WDR25: variants seen among roughly 807,000 people sequenced by gnomAD.
WDR25 encodes the protein WD repeat domain 25.
Under a neutral mutation model 47.7 loss-of-function variants are expected in WDR25, and 35 were observed. The observed-to-expected ratio is 0.73, with a 90% confidence interval of 0.56 to 0.97. WDR25 has a LOEUF of 0.97. Ranked by LOEUF, WDR25 falls within the 50% of genes least tolerant of loss-of-function variation. WDR25 has a pLI of 0.00. For synonymous variants in WDR25, 248 were observed against 278.9 expected (o/e 0.89, Z 1.10); for missense variants, 634 against 704.7 (o/e 0.90, Z 1.14).
At chr14:100,412,258 AACTG>A (rs1281025127) in intron 2 of WDR25, among the ~76,000 whole-genome samples, 1 of 151,024 alleles carries the variant, frequency 6.6e-6, no homozygotes, top group Non-Finnish European at 1.5e-5. Flanking sequence ...GTTATTCGGG[AACTG>A]TGGTGATAGT....
intron 4 of WDR25, among the ~76,000 whole-genome samples, chr14:100,493,484 TAG>T (rs1900631678): frequency 6.6e-6 from 1 of 152,202 alleles, no homozygotes; most frequent in South Asian, 2.1e-4. Flanking sequence ...CTTTATTTTT[TAG>T]AGGAGTTTTA....
At chr14:100,459,933 TATATATACAC>T (rs1199733996) in intron 2 of WDR25, among the ~76,000 whole-genome samples, 132 of 88,236 alleles carry the variant, frequency 1.5e-3, no homozygotes, top group African/African-American at 6.0e-3. Context: ...TATATATATA[TATATATACAC>T]ATACACATAC....
intron 4 of WDR25, among the ~76,000 whole-genome samples, chr14:100,505,803 A>C (rs748970798): frequency 1.3e-5 from 2 of 151,952 alleles, no homozygotes; most frequent in Non-Finnish European, 2.9e-5. Context: ...TTTATTCCTC[A>C]GTTTCTCATG....
At position 100,411,056 on chromosome 14, in the gene WDR25, T is replaced by G. The variant is rs973794270; in HGVS notation, c.822+29310T>G. 2.6e-5 allele frequency among the ~76,000 whole-genome samples: 4 copies of G among 152,168 alleles called. No individual in the cohort carries two copies. The South Asian group carries it at 6.2e-4, about 24-fold the overall frequency. On this transcript the variant is annotated intron_variant, in intron 2 of 6. Transcript: ENST00000402312. ...CCTCAGCCTCCCAAAGTACTGGGATTATAGGTGTGAGCCACCCTGCCTGGC... is the reference window on the plus strand; with the variant it reads ...CCTCAGCCTCCCAAAGTACTGGGATGATAGGTGTGAGCCACCCTGCCTGGC...
rs1465605912 is a variant in WDR25, at chr14:100,470,760, A to G, written c.970+2592A>G. ...AATGCCTTGCCTGGTTGGTGATAGG[A>G]CTGCGTTTGGAGAACAGCTTGTCTG... is the stretch of plus-strand genomic sequence containing the variant. On this transcript the variant is annotated intron_variant, in intron 3 of 6. Transcript: ENST00000402312. Among the ~76,000 whole-genome samples the G allele has an allele frequency of 3.3e-5, 5 of 151,972 alleles. No individual in the cohort carries two copies. The East Asian group carries it at 7.7e-4, about 24-fold the overall frequency.
chr14:100,381,594 T>C lies in WDR25; in HGVS notation c.670T>C (p.Tyr224His). The C allele has an allele frequency of 6.2e-7, 1 of 1,609,276 alleles. No homozygotes were observed. The highest frequency in any genetic ancestry group is 8.5e-7 in the Non-Finnish European group (1 of 1,176,540). ...GPGVSEFIQP[Y>H]LNSHYKETTV... ...GGGAGTGTCTGAGTTTATTCAGCCA[T>C]ATTTGAATAGCCATTATAAAGAAAC... Residue 224 changes from tyrosine (Y) to histidine (H), a missense_variant, in exon 2 of 7, where the codon TAT becomes CAT. By Grantham distance (83) the Tyr-to-His change is moderately conservative. Coordinates refer to ENST00000402312, the MANE Select transcript of WDR25 (RefSeq NM_001161476.3).
Position 100,459,324 on chromosome 14 carries a change from A to G in WDR25, c.823-8697A>G, listed in dbSNP as rs181747773. 9.2e-5 allele frequency among the ~76,000 whole-genome samples: 14 copies of G among 152,334 alleles called. 1 individual carries two copies. The East Asian group carries it at 2.3e-3, about 25-fold the overall frequency. On this transcript the variant is annotated intron_variant, in intron 2 of 6. Transcript: ENST00000402312. ...GACGCAAACAATAAAAGCTCATTCA[A>G]GAAGAAATAGATAACCCCCAAAGCC...
rs1595149617 is a variant in WDR25 at position 100,498,958 on chromosome 14, G to C, written c.1101+14834G>C. 1.3e-5 allele frequency among the ~76,000 whole-genome samples: 2 copies of C among 152,162 alleles called. No homozygotes were observed. The highest frequency in any genetic ancestry group is 4.1e-4 in the South Asian group (2 of 4,822). ...TTGTCGTGGGGTCCCCCTGTGACTT[G>C]GGTGCAAGCAGGGTGTAGGGGTAGA... On this transcript the variant is annotated intron_variant, in intron 4 of 6. Coordinates refer to ENST00000402312, the MANE Select transcript of WDR25 (RefSeq NM_001161476.3). The surrounding 1 kb of genome is among the most constrained non-coding windows in gnomAD (Gnocchi z 4.2).
In WDR25 at chr14:100,474,618, A is replaced by G. The variant is rs550893875; in HGVS notation, c.970+6450A>G. The stretch of plus-strand genomic sequence containing the variant: ...CCGAGTTTCAGAAAACCAACTTACT[A>G]GTAAAGCACTGGGATACACCTTGTT... On this transcript the variant is annotated intron_variant, in intron 3 of 6. Transcript: ENST00000402312. Among the ~76,000 whole-genome samples the G allele has an allele frequency of 3.9e-5, 6 of 152,324 alleles. No individual in the cohort carries two copies. The South Asian group carries it at 8.3e-4, about 21-fold the overall frequency.
intron 2 of WDR25, among the ~76,000 whole-genome samples, chr14:100,431,084 C>T (rs1050530005): frequency 1.3e-5 from 2 of 152,196 alleles, no homozygotes; most frequent in African/African-American, 4.8e-5. Flanking sequence ...ATCTATCACT[C>T]TCTTTGGCCC....
chr14:100,459,894 G>GTATATATATATA (rs61706956), intron 2 of WDR25, among the ~76,000 whole-genome samples: 49 of 78,244 alleles, frequency 6.3e-4, no homozygotes, highest in Non-Finnish European at 9.8e-4. Flanking sequence ...GTGTGTGTGT[G>GTATATATATATA]TATATATATA....
intron 5 of WDR25, 144 bp from the exon 6 acceptor site, chr14:100,528,924 C>G: frequency 1.0e-6 from 1 of 961,056 alleles, no homozygotes; most frequent in Non-Finnish European, 1.4e-6. Context: ...CTTGAGCCAC[C>G]AAGCTTGTGG....
chr14:100,407,418 T>C lies in WDR25; in HGVS notation c.822+25672T>C, dbSNP rs567141292. On this transcript the variant is annotated intron_variant, in intron 2 of 6. Transcript: ENST00000402312. The surrounding 1 kb of genome is among the most constrained non-coding windows in gnomAD (Gnocchi z 4.1). ...CTCAGGTGAGATGGGGACTAGAAAGTCGGTCTGGCTGAAGCTAAGTGAGGC... is the reference window on the plus strand; with the variant it reads ...CTCAGGTGAGATGGGGACTAGAAAGCCGGTCTGGCTGAAGCTAAGTGAGGC... 3 of 152,328 alleles carry C rather than the reference T, an allele frequency of 2.0e-5. No homozygotes were observed. The highest frequency in any genetic ancestry group is 4.1e-4 in the South Asian group (2 of 4,826). 9.4% of individuals were successfully genotyped at this position (152,328 alleles called of 1,614,324 possible).
chr14:100,391,946 C>A (rs1897155942), intron 2 of WDR25, among the ~76,000 whole-genome samples: 2 of 152,176 alleles, frequency 1.3e-5, no homozygotes, highest in African/African-American at 4.8e-5. Flanking sequence ...AATACAGACG[C>A]AGCTTTGAGA....
At chr14:100,480,346 A>G (rs1329573094) in intron 3 of WDR25, among the ~76,000 whole-genome samples, 1 of 152,254 alleles carries the variant, frequency 6.6e-6, no homozygotes, top group African/African-American at 2.4e-5. Flanking sequence ...CTTGTAGCAA[A>G]ATAGTCAAGG....
chr14:100,529,109 G>A lies in WDR25; in HGVS notation c.1314G>A (p.Glu438=). The A allele has an allele frequency of 1.9e-6, 3 of 1,579,476 alleles. No homozygotes were observed. Among genetic ancestry groups the A allele is most frequent in the Non-Finnish European group, 2.6e-6 (3 of 1,155,052 alleles). ...TCPSLALHPR[E]PVFLAQTNGN... is the part of the protein sequence containing the mutation. ...CCAGCCTCGCCTTGCACCCGAGAGA[G>A]CCCGTGTTCCTGGCACAGACCAATG... is the stretch of plus-strand genomic sequence containing the variant. The change falls in exon 6 of 7, where the codon GAG becomes GAA. Residue 438 remains glutamate, a synonymous_variant. Transcript: ENST00000402312. The surrounding 1 kb of genome is among the most constrained non-coding windows in gnomAD (Gnocchi z 5.1).
intron 2 of WDR25, 55 bp downstream of exon 2, chr14:100,381,801 G>A: frequency 7.2e-7 from 1 of 1,397,734 alleles, no homozygotes; most frequent in Non-Finnish European, 9.7e-7. Flanking sequence ...TACACTGCTG[G>A]AATAATAGTG....
chr14:100,481,970 A>G (rs1223912594), intron 3 of WDR25, among the ~76,000 whole-genome samples: 2 of 152,232 alleles, frequency 1.3e-5, no homozygotes, highest in African/African-American at 4.8e-5. Flanking sequence ...ATAACTTTCA[A>G]AAATAATTAC....
At chr14:100,470,701 G>A (rs1258822263) in intron 3 of WDR25, among the ~76,000 whole-genome samples, 1 of 152,178 alleles carries the variant, frequency 6.6e-6, no homozygotes, top group Non-Finnish European at 1.5e-5. Flanking sequence ...GTGACCTGCA[G>A]CCCCTGGTGG....
Sources: allele counts gnomAD v4.1 joint callset (sites outside exome capture counted in the v4.1 genomes callset), GRCh38; gene constraint gnomAD v4.1.1; non-coding constraint Gnocchi (gnomAD v3.1); transcripts MANE v1.5; gene names NCBI Gene and HGNC (gene_info 2026-07-23, HGNC 2026-07-21).